ATP8B1: variants seen among roughly 807,000 people sequenced by gnomAD.
ATP8B1 encodes the protein ATPase phospholipid transporting 8B1.
A neutral mutation model predicts 149.9 loss-of-function variants in ATP8B1; 80 were observed. The observed-to-expected ratio is 0.53, with a 90% CI of 0.45 to 0.64. ATP8B1 has a LOEUF of 0.64. Ranked by LOEUF, ATP8B1 falls within the 30% of genes least tolerant of loss-of-function variation. The pLI, the probability that ATP8B1 is intolerant of heterozygous loss-of-function variation, is 0.00. For missense variants in ATP8B1, 1,247 were observed against 1,552.6 expected (o/e 0.80, Z 3.31); for synonymous variants, 536 against 562.8 (o/e 0.95, Z 0.67).
chr18:57,731,838 A>G lies in ATP8B1; in HGVS notation c.-25-6T>C, dbSNP rs35671095. On this transcript the variant is annotated splice_region_variant and splice_polypyrimidine_tract_variant and intron_variant, in intron 1 of 27. Coordinates refer to ENST00000648908, the MANE Select transcript of ATP8B1 (RefSeq NM_001374385.1). ...TGGCAAATTGGAACTACCTGCTTAA[A>G]AGGAAAGAGAAACCAGAGTGAATTA... 1,240 of 1,613,532 alleles carry G rather than the reference A, an allele frequency of 7.7e-4. 11 individuals are homozygous for G. The African/African-American group carries it at 0.016, about 20-fold the overall frequency.
chr18:57,769,253 G>A (rs992925366), intron 1 of ATP8B1, among the ~76,000 whole-genome samples: 10 of 152,260 alleles, frequency 6.6e-5, no homozygotes, highest in Middle Eastern at 3.4e-3. Flanking sequence ...CCTGCCCCAC[G>A]ACTCTTCCAT....
At chr18:57,797,928 AC>A (rs1469946991) in intron 1 of ATP8B1, among the ~76,000 whole-genome samples, 1 of 149,894 alleles carries the variant, frequency 6.7e-6, no homozygotes, top group Non-Finnish European at 1.5e-5. Flanking sequence ...CTGGTCTTGA[AC>A]TCCTGATCTC....
In ATP8B1 at chr18:57,774,959, T is replaced by G. The variant is rs1297163623; in HGVS notation, c.-26+28039A>C. 2.6e-5 allele frequency among the ~76,000 whole-genome samples: 4 copies of G among 152,332 alleles called. No homozygotes were observed. In the East Asian group the frequency reaches 7.7e-4, roughly 29 times the overall value. On this transcript the variant is annotated intron_variant, in intron 1 of 27. Transcript: ENST00000648908. ...GGGCAGGAATCTTGTCTCTTTTCTC[T>G]TTGTTGTATGATGAACACCCAGGAC...
chr18:57,784,045 A>T lies in ATP8B1; in HGVS notation c.-26+18953T>A, dbSNP rs572627488. Among the ~76,000 whole-genome samples, 43 of 152,264 alleles carry T rather than the reference A, an allele frequency of 2.8e-4. No homozygotes were observed. Among genetic ancestry groups the T allele is most frequent in the African/African-American group, 9.1e-4 (38 of 41,548 alleles). On this transcript the variant is annotated intron_variant, in intron 1 of 27. Transcript: ENST00000648908. The surrounding 1 kb of genome is among the most constrained non-coding windows in gnomAD (Gnocchi z 4.4). Reference sequence around the variant, plus strand: ...AGGAGGGACTCCTACTTTAATTTTTACTGGGGTGGGCAGAGACTACGCTGA... The same window carrying T: ...AGGAGGGACTCCTACTTTAATTTTTTCTGGGGTGGGCAGAGACTACGCTGA...
chr18:57,667,032 C>T, intron 20 of ATP8B1, 60 bp downstream of exon 20: 1 of 1,423,566 alleles, frequency 7.0e-7, no homozygotes, highest in Non-Finnish European at 9.9e-7. Context: ...CTTCTACAGA[C>T]AGTCTTGCAT....
At chr18:57,778,386 C>T (rs1222511603) in intron 1 of ATP8B1, among the ~76,000 whole-genome samples, 4 of 151,916 alleles carry the variant, frequency 2.6e-5, no homozygotes, top group East Asian at 1.9e-4. Context: ...CCGCTACGCC[C>T]GGCTAATTTT....
intron 4 of ATP8B1, 45 bp downstream of exon 4, chr18:57,704,510 G>A (rs368398392): frequency 4.0e-6 from 5 of 1,250,864 alleles, no homozygotes; most frequent in Middle Eastern, 1.9e-4. Context: ...AAATGTTATC[G>A]AGTCACTATA....
At chr18:57,762,261 C>T (rs1461218778) in intron 1 of ATP8B1, among the ~76,000 whole-genome samples, 1 of 151,912 alleles carries the variant, frequency 6.6e-6, no homozygotes, top group African/African-American at 2.4e-5. Context: ...GCCTCAGCCT[C>T]CTGAGTAACT....
chr18:57,713,192 TTTCTTTCC>T (rs1221342216), intron 2 of ATP8B1, among the ~76,000 whole-genome samples: 3,611 of 93,134 alleles, frequency 0.039, 63 homozygotes, highest in Non-Finnish European at 0.052. Flanking sequence ...TCTTTCTTTC[TTTCTTTCC>T]TTCCTTCCTT....
intron 16 of ATP8B1, among the ~76,000 whole-genome samples, chr18:57,674,204 C>T (rs1275146263): frequency 7.0e-6 from 1 of 142,000 alleles, no homozygotes; most frequent in Non-Finnish European, 1.5e-5. Context: ...TGAGATCGCA[C>T]CACTGCACTC....
intron 1 of ATP8B1, among the ~76,000 whole-genome samples, chr18:57,794,722 T>C (rs554877195): frequency 1.3e-5 from 2 of 149,804 alleles, no homozygotes; most frequent in African/African-American, 4.9e-5. Flanking sequence ...GAGGCGGAGG[T>C]TGAGGTTGCA....
At chr18:57,703,007 A>G (rs1360485204) in intron 4 of ATP8B1, among the ~76,000 whole-genome samples, 5 of 152,094 alleles carry the variant, frequency 3.3e-5, no homozygotes, top group Admixed American at 2.6e-4. Flanking sequence ...ACAGAGCAGC[A>G]CCTTGGAGTT....
Position 57,694,810 on chromosome 18 carries a change from A to G in ATP8B1, c.941-140T>C, listed in dbSNP as rs1912720876. 2.2e-5 allele frequency: 16 copies of G among 716,600 alleles called. No homozygotes were observed. In the South Asian group the frequency reaches 2.5e-4, roughly 11 times the overall value. The allele number at this position is 716,600 out of a possible 1,614,324, so 44.4% of individuals were successfully genotyped here. ...TTTTGGAGGCTGAGTTGGGCGGATC[A>G]CCTGAGGTCAGGGGTTCGAGGCCAG... is the stretch of plus-strand genomic sequence containing the variant. On this transcript the variant is annotated intron_variant, in intron 10 of 27. Coordinates refer to ENST00000648908, the MANE Select transcript of ATP8B1 (RefSeq NM_001374385.1).
At chr18:57,653,905 A>G (rs935707679) in intron 24 of ATP8B1, 87 bp downstream of exon 24, 2 of 1,194,982 alleles carry the variant, frequency 1.7e-6, no homozygotes, top group South Asian at 1.3e-5. Context: ...AGTAAACACC[A>G]GAAGAATGCA....
At chr18:57,699,217 C>A (rs1912988911) in intron 6 of ATP8B1, among the ~76,000 whole-genome samples, 1 of 152,202 alleles carries the variant, frequency 6.6e-6, no homozygotes, top group Non-Finnish European at 1.5e-5. Context: ...CACTCTAATG[C>A]AAATATAGAC....
rs1420404897 is a variant in ATP8B1, at chr18:57,646,966, A to AAAGGT, written c.*1521_*1522insACCTT. The AAAGGT allele has an allele frequency of 6.6e-6, 1 of 152,230 alleles. No homozygotes were observed. The highest frequency in any genetic ancestry group is 1.9e-4 in the East Asian group (1 of 5,200). The allele number at this position is 152,230 out of a possible 1,614,324, so 9.4% of individuals were successfully genotyped here. ...TTTCTCCTCTTTGAGGAGTTTCCAT[A>AAAGGT]ATTACCTAAAGTTATCTTCAAATTT... On this transcript the variant is annotated 3_prime_UTR_variant, in exon 28 of 28. Coordinates refer to ENST00000648908, the MANE Select transcript of ATP8B1 (RefSeq NM_001374385.1).
intron 1 of ATP8B1, among the ~76,000 whole-genome samples, chr18:57,792,612 C>A (rs987578144): frequency 6.6e-6 from 1 of 152,068 alleles, no homozygotes; most frequent in African/African-American, 2.4e-5. Flanking sequence ...ATAAACCAGG[C>A]AGAGCTAAAA....
intron 22 of ATP8B1, among the ~76,000 whole-genome samples, chr18:57,658,469 G>GAT (rs772893300): frequency 6.6e-6 from 1 of 152,212 alleles, no homozygotes; most frequent in Non-Finnish European, 1.5e-5. Context: ...GGCAGCCTAT[G>GAT]ATAGTCCTTG....
rs929684337 is a variant in ATP8B1 at position 57,802,900 on chromosome 18, C to A, written c.-26+98G>T. 5 of 152,388 alleles carry A rather than the reference C, an allele frequency of 3.3e-5. No homozygotes were observed. Among genetic ancestry groups the A allele is most frequent in the African/African-American group, 1.2e-4 (5 of 41,466 alleles). 9.4% of individuals were successfully genotyped at this position (152,388 alleles called of 1,614,324 possible). On this transcript the variant is annotated intron_variant, in intron 1 of 27. Transcript: ENST00000648908. The surrounding 1 kb of genome is among the most constrained non-coding windows in gnomAD (Gnocchi z 4.9). ...GCTGCTGCCGCCGCATCCCGGATCT[C>A]CAAAGTGCGGCGGGAGCGGCCAGGG... is the stretch of plus-strand genomic sequence containing the variant.
Sources: gnomAD v4.1 joint callset for allele counts (sites outside exome capture counted in the v4.1 genomes callset) on GRCh38, gnomAD v4.1.1 for gene constraint, Gnocchi (gnomAD v3.1) non-coding constraint, MANE v1.5 for transcripts, NCBI Gene and HGNC (gene_info 2026-07-23, HGNC 2026-07-21) for gene names.